The following MTMR8 variants were observed in gnomAD, a reference collection of about 807,000 sequenced individuals.
The protein encoded by MTMR8 is phosphatidylinositol-3,5-bisphosphate 3-phosphatase MTMR8.
In MTMR8, 65 loss-of-function variants were observed where a neutral mutation model predicts 39.3. That is an observed-to-expected ratio of 1.65 (90% CI 1.35 to 2.03). MTMR8 has a LOEUF of 2.03. MTMR8 is among the 30% of genes most tolerant of loss of function. MTMR8 has a pLI of 0.00. For missense variants in MTMR8, 777 were observed against 538.9 expected (o/e 1.44, Z -4.37); for synonymous variants, 245 against 185.2 (o/e 1.32, Z -2.62).
chrX:64,343,798 A>C, intron 7 of MTMR8, 78 bp from the exon 8 acceptor site: 2 of 682,669 alleles, frequency 2.9e-6, no homozygotes, highest in Non-Finnish European at 4.6e-6. Flanking sequence ...GTGGATCTCC[A>C]TATCGTAAGT....
chrX:64,330,108 T>C (rs182461005), intron 11 of MTMR8, among the ~76,000 whole-genome samples: 126 of 112,155 alleles, frequency 1.1e-3, no homozygotes, highest in African/African-American at 3.8e-3. Context: ...AAGTAATCAC[T>C]ATTTTAAAAT....
chrX:64,394,141 G>T (rs1349475649), intron 1 of MTMR8, among the ~76,000 whole-genome samples: 1 of 111,618 alleles, frequency 9.0e-6, no homozygotes, highest in Non-Finnish European at 1.9e-5. Flanking sequence ...CCTGTGCAAA[G>T]AAACTCCCGT....
chrX:64,284,872 G>A (rs1921100522), intron 12 of MTMR8, among the ~76,000 whole-genome samples: 1 of 112,059 alleles, frequency 8.9e-6, no homozygotes. Flanking sequence ...GCAAAAACAG[G>A]CTAAATCGTA....
chrX:64,290,043 G>C (rs1418017927), intron 12 of MTMR8, among the ~76,000 whole-genome samples: 1 of 110,813 alleles, frequency 9.0e-6, no homozygotes, highest in Non-Finnish European at 1.9e-5. Flanking sequence ...TGTTTAATAG[G>C]TAGGGTTTCA....
chrX:64,337,348 C>A lies in MTMR8; in HGVS notation c.1021G>T (p.Gly341Ter). 8.3e-7 allele frequency: 1 copy of A among 1,209,907 alleles called. No homozygotes were observed. Among genetic ancestry groups the A allele is most frequent in the Non-Finnish European group, 1.1e-6 (1 of 894,519 alleles). Residue 341 changes from glycine to a stop codon, truncating the protein, a stop_gained, in exon 9 of 14, where the codon GGA becomes TGA. Coordinates refer to ENST00000374852, the MANE Select transcript of MTMR8 (RefSeq NM_017677.4). LOFTEE classifies it high-confidence loss of function. ...KASVLVHCSD[G>*]WDRTAQVCSV... Reference sequence around the variant, plus strand: ...CAGACTTGTGCTGTGCGGTCCCATCCATCAGAACAATGGACTAAGACACTG... The same window carrying A: ...CAGACTTGTGCTGTGCGGTCCCATCAATCAGAACAATGGACTAAGACACTG...
intron 12 of MTMR8, 77 bp from the exon 13 acceptor site, chrX:64,271,150 A>T (rs994288829): frequency 9.7e-6 from 10 of 1,029,418 alleles, no homozygotes; most frequent in Non-Finnish European, 9.0e-6. Context: ...TCCTTGTGCC[A>T]AGAAAATATT....
chrX:64,359,202 T>A (rs952453774), intron 2 of MTMR8, among the ~76,000 whole-genome samples: 4 of 110,870 alleles, frequency 3.6e-5, no homozygotes, highest in African/African-American at 1.3e-4. Context: ...TAGAATAAAA[T>A]GACTATGATG....
At chrX:64,337,592 T>C (rs781525527) in intron 8 of MTMR8, among the ~76,000 whole-genome samples, 199 bp from the exon 9 acceptor site, 2 of 111,454 alleles carry the variant, frequency 1.8e-5, no homozygotes, top group Admixed American at 9.6e-5. Context: ...GCTTACCACA[T>C]AGGAAAAGAA....
At chrX:64,284,220 A>G (rs1476885577) in intron 12 of MTMR8, among the ~76,000 whole-genome samples, 1 of 112,359 alleles carries the variant, frequency 8.9e-6, no homozygotes, top group East Asian at 2.8e-4. Context: ...AAGAAAGGGT[A>G]TCAATGATTG....
chrX:64,362,983 C>T (rs1321832995), intron 1 of MTMR8, among the ~76,000 whole-genome samples: 1 of 110,753 alleles, frequency 9.0e-6, no homozygotes, highest in Non-Finnish European at 1.9e-5. Flanking sequence ...TGAAGAGAAG[C>T]TCAAAACATT....
chrX:64,299,322 C>G (rs1276513782), intron 12 of MTMR8, among the ~76,000 whole-genome samples: 1 of 83,935 alleles, frequency 1.2e-5, no homozygotes, highest in Non-Finnish European at 2.3e-5. Flanking sequence ...GTGTATGTGT[C>G]GAGGAATGTA....
chrX:64,342,440 A>G (rs913149769), intron 8 of MTMR8, among the ~76,000 whole-genome samples: 2 of 112,469 alleles, frequency 1.8e-5, no homozygotes, highest in East Asian at 2.8e-4. Context: ...ATCCAAGCCT[A>G]TCTTTTTGGT....
intron 12 of MTMR8, among the ~76,000 whole-genome samples, chrX:64,318,470 C>T (rs1046276273): frequency 2.7e-5 from 3 of 111,088 alleles, no homozygotes; most frequent in Non-Finnish European, 5.7e-5. Context: ...CCAGCTTCTT[C>T]AGCTCCAAGT....
chrX:64,300,674 A>G (rs1434700559), intron 12 of MTMR8, among the ~76,000 whole-genome samples: 3 of 97,278 alleles, frequency 3.1e-5, no homozygotes, highest in Admixed American at 1.1e-4. Flanking sequence ...CCTAGTCTCG[A>G]TGGTCTTTAC....
rs1053809872 is a variant in MTMR8 at position 64,359,279 on chromosome X, G to A, written c.147+126C>T. On this transcript the variant is annotated intron_variant, in intron 2 of 13. Transcript: ENST00000374852. ...AGACCATAAAAAGATTATTAGAATA[G>A]GTCCTCTGAAGAAAAGGTTTTACAG... The A allele has an allele frequency of 1.9e-5, 12 of 617,259 alleles. No homozygotes were observed. The Admixed American group carries it at 5.4e-4, about 28-fold the overall frequency. The allele number at this position is 617,259 out of a possible 1,213,427, so 50.9% of individuals were successfully genotyped here. A position where few individuals can be genotyped will look rare whatever the true frequency, so the allele number is the denominator to read the frequency against.
chrX:64,359,904 C>A (rs73524800), intron 1 of MTMR8, among the ~76,000 whole-genome samples: 113 of 89,582 alleles, frequency 1.3e-3, no homozygotes, highest in Middle Eastern at 6.2e-3. Context: ...ATAGATCTTA[C>A]GTTACAGGGC....
chrX:64,283,954 A>G (rs1921055400), intron 12 of MTMR8, among the ~76,000 whole-genome samples: 1 of 112,569 alleles, frequency 8.9e-6, no homozygotes, highest in Admixed American at 9.4e-5. Flanking sequence ...CTCAACAGCA[A>G]TGGAACAAAG....
chrX:64,298,573 C>A (rs1364410083), intron 12 of MTMR8, among the ~76,000 whole-genome samples: 1 of 87,606 alleles, frequency 1.1e-5, no homozygotes, highest in Non-Finnish European at 1.9e-5. Context: ...CCTTTATTTC[C>A]TTCTCCTGTC....
intron 1 of MTMR8, among the ~76,000 whole-genome samples, chrX:64,375,523 T>G (rs1435617898): frequency 9.0e-6 from 1 of 111,047 alleles, no homozygotes; most frequent in African/African-American, 3.3e-5. Flanking sequence ...CCTCAAAAAT[T>G]CATATGTTGA....
Sources: gnomAD v4.1 joint callset for allele counts (sites outside exome capture counted in the v4.1 genomes callset) on GRCh38, gnomAD v4.1.1 for gene constraint, MANE v1.5 for transcripts, NCBI Gene and HGNC (gene_info 2026-07-23, HGNC 2026-07-21) for gene names.